Variants in LATS1 observed in about 807,000 individuals in gnomAD.
LATS1 encodes serine/threonine-protein kinase LATS1.
A neutral mutation model predicts 106.6 loss-of-function variants in LATS1; 25 were observed. That is an observed-to-expected ratio of 0.23 (90% confidence interval 0.17 to 0.33). The LOEUF (loss-of-function observed/expected upper bound fraction) is 0.33. LATS1 is among the 10% of genes least tolerant of loss of function. The pLI is 1.00. For synonymous variants in LATS1, 465 were observed against 455.6 expected (o/e 1.02, Z -0.26); for missense variants, 1,040 against 1,382.6 (o/e 0.75, Z 3.93).
chr6:149,705,265 ATTAAT>A (rs755596773), intron 1 of LATS1, among the ~76,000 whole-genome samples: 1 of 152,204 alleles, frequency 6.6e-6, no homozygotes, highest in Non-Finnish European at 1.5e-5. Flanking sequence ...TTCCCAAAAT[ATTAAT>A]TTAATAGCTT....
At chr6:149,703,895 T>C (rs1213321251) in intron 1 of LATS1, among the ~76,000 whole-genome samples, 2 of 152,204 alleles carry the variant, frequency 1.3e-5, no homozygotes, top group African/African-American at 2.4e-5. Context: ...CCTCGCAACA[T>C]CATTTATAAC....
At chr6:149,693,615 CAAACAAA>C (rs1443810496) in intron 3 of LATS1, among the ~76,000 whole-genome samples, 5 of 45,084 alleles carry the variant, frequency 1.1e-4, no homozygotes, top group African/African-American at 4.6e-4. Context: ...ATCTCAAAAA[CAAACAAA>C]CAAACAAACA....
chr6:149,697,842 T>A (rs1279613185), intron 2 of LATS1, among the ~76,000 whole-genome samples: 1 of 151,988 alleles, frequency 6.6e-6, no homozygotes, highest in Non-Finnish European at 1.5e-5. Flanking sequence ...TTCAAGCAGT[T>A]CTCCTGCCTC....
intron 2 of LATS1, among the ~76,000 whole-genome samples, chr6:149,698,080 T>C (rs1279484814): frequency 1.3e-5 from 2 of 152,170 alleles, no homozygotes; most frequent in East Asian, 1.9e-4. Flanking sequence ...GCCTTGTGAT[T>C]CTGGTGATTA....
At chr6:149,715,638 ACATTGCTGAG>A (rs1238652950) in intron 1 of LATS1, among the ~76,000 whole-genome samples, 4 of 152,224 alleles carry the variant, frequency 2.6e-5, no homozygotes, top group African/African-American at 9.6e-5. Context: ...TCTTGTGCAC[ACATTGCTGAG>A]CATTTTTCTT....
intron 3 of LATS1, among the ~76,000 whole-genome samples, chr6:149,688,581 T>C (rs373449457): frequency 1.4e-4 from 21 of 152,254 alleles, no homozygotes; most frequent in African/African-American, 4.8e-4. Context: ...GTGCTGGGAT[T>C]ACAGGCGTGA....
chr6:149,660,807 G>A lies in LATS1; in HGVS notation c.*922C>T, dbSNP rs1780855233. ...GATTTTCCTTTGCCAATAACAATCTGTATATGCAGCACTGTTCTGAAAGAG... is the reference window on the plus strand; with the variant it reads ...GATTTTCCTTTGCCAATAACAATCTATATATGCAGCACTGTTCTGAAAGAG... On this transcript the variant is annotated 3_prime_UTR_variant, in exon 8 of 8. Transcript: ENST00000543571. The A allele has an allele frequency of 4.5e-6, 1 of 219,934 alleles. No homozygotes were observed. Among genetic ancestry groups the A allele is most frequent in the African/African-American group, 2.2e-5 (1 of 44,526 alleles). 13.6% of individuals were successfully genotyped at this position (219,934 alleles called of 1,614,324 possible). A position where few individuals can be genotyped will look rare whatever the true frequency, so the allele number is the denominator to read the frequency against.
chr6:149,691,914 C>T (rs1212591185), intron 3 of LATS1, among the ~76,000 whole-genome samples: 2 of 152,148 alleles, frequency 1.3e-5, no homozygotes, highest in Non-Finnish European at 2.9e-5. Flanking sequence ...TTATCCCCTT[C>T]TACCATCACG....
In LATS1 at chr6:149,661,826, T is replaced by C; in HGVS notation, c.3296A>G (p.Tyr1099Cys). ...TGAGCCTTGTGAATTAATGTATTCATATTCAATAGGCTTCGGATAATTATA... is the reference window on the plus strand; with the variant it reads ...TGAGCCTTGTGAATTAATGTATTCACATTCAATAGGCTTCGGATAATTATA... ...YPYNYPKPIE[Y>C]EYINSQGSEQ... The change falls in exon 8 of 8, where the codon TAT becomes TGT. Residue 1099 changes from tyrosine (Y) to cysteine (C), a missense_variant. Transcript: ENST00000543571. The C allele has an allele frequency of 6.2e-7, 1 of 1,613,710 alleles. No individual in the cohort carries two copies. The highest frequency in any genetic ancestry group is 8.5e-7 in the Non-Finnish European group (1 of 1,179,790).
chr6:149,676,123 A>T, intron 7 of LATS1, 137 bp downstream of exon 7: 1 of 637,180 alleles, frequency 1.6e-6, no homozygotes, highest in Non-Finnish European at 2.8e-6. Flanking sequence ...AAGAACTGGC[A>T]TTATGGGTGT....
At chr6:149,701,736 T>C (rs1435695202) in intron 2 of LATS1, 43 bp downstream of exon 2, 3 of 1,439,142 alleles carry the variant, frequency 2.1e-6, no homozygotes, top group Non-Finnish European at 2.8e-6. Context: ...TTATGTAGCA[T>C]AAGGTAAGAA....
chr6:149,680,637 G>T lies in LATS1; in HGVS notation c.2011-180C>A, dbSNP rs575017434. 2.6e-5 allele frequency among the ~76,000 whole-genome samples: 4 copies of T among 151,754 alleles called. No homozygotes were observed. The East Asian group carries it at 7.7e-4, about 29-fold the overall frequency. Reference sequence around the variant, plus strand: ...TAATGATCAAAAGTGCAGCCTAAGGGGTAGTTAAAAGGATATTCAAAGTGA... The same window carrying T: ...TAATGATCAAAAGTGCAGCCTAAGGTGTAGTTAAAAGGATATTCAAAGTGA... On this transcript the variant is annotated intron_variant, in intron 4 of 7. Coordinates refer to ENST00000543571, the MANE Select transcript of LATS1 (RefSeq NM_004690.4).
intron 1 of LATS1, among the ~76,000 whole-genome samples, chr6:149,712,169 T>C (rs1386899299): frequency 3.3e-5 from 5 of 152,206 alleles, no homozygotes; most frequent in Admixed American, 3.3e-4. Flanking sequence ...TGAACATCTT[T>C]CCACAGTTAG....
chr6:149,717,698 C>G (rs1784488864), intron 1 of LATS1, 151 bp downstream of exon 1: 1 of 197,600 alleles, frequency 5.1e-6, no homozygotes, highest in South Asian at 5.5e-5. Context: ...TCAATGCAAC[C>G]AGCCAAGTCA....
At chr6:149,693,966 C>T (rs1782922768) in intron 3 of LATS1, among the ~76,000 whole-genome samples, 1 of 151,954 alleles carries the variant, frequency 6.6e-6, no homozygotes, top group Non-Finnish European at 1.5e-5. Flanking sequence ...TGGCGGGCAC[C>T]TGTAATCCCA....
At chr6:149,688,551 G>A (rs138381003) in intron 3 of LATS1, among the ~76,000 whole-genome samples, 6,974 of 151,490 alleles carry the variant, frequency 0.046, 528 homozygotes, top group African/African-American at 0.16. Flanking sequence ...GTCGTGACCC[G>A]CCCACCTCGG....
chr6:149,702,476 G>T, intron 1 of LATS1: 1 of 177,948 alleles, frequency 5.6e-6, no homozygotes, highest in Non-Finnish European at 1.1e-5. Flanking sequence ...TCGTAGCTAT[G>T]ATGATTTAAA....
chr6:149,712,748 CT>C (rs1784176059), intron 1 of LATS1, among the ~76,000 whole-genome samples: 1 of 152,090 alleles, frequency 6.6e-6, no homozygotes, highest in Non-Finnish European at 1.5e-5. Context: ...AATTCCAAAA[CT>C]TTTGGAGGCT....
At position 149,683,803 on chromosome 6, in the gene LATS1, A is replaced by G. The variant is rs751470566; in HGVS notation, c.1286T>C (p.Leu429Pro). The change falls in exon 4 of 8, where the codon CTG becomes CCG. Residue 429 changes from leucine (L) to proline (P), a missense_variant. Physicochemically the swap from Leu to Pro is moderately conservative, Grantham distance 98. Around this residue, in one of 7 missense-constraint regions of LATS1, gnomAD observed 624 missense variants for 714.8 expected, o/e 0.87. Transcript: ENST00000543571. ...MELYNISVPG[L>P]QTNWPQSSSA... ...AGATGACTGAGGCCAATTTGTTTGC[A>G]GTCCAGGTACACTAATGTTATATAG... 1.2e-6 allele frequency: 2 copies of G among 1,613,906 alleles called. No homozygotes were observed. The highest frequency in any genetic ancestry group is 1.7e-6 in the Non-Finnish European group (2 of 1,180,034).
Sources: gnomAD v4.1 joint callset for allele counts (sites outside exome capture counted in the v4.1 genomes callset) on GRCh38, gnomAD v4.1.1 for gene constraint, gnomAD v4.1.1 regional missense constraint, MANE v1.5 for transcripts, NCBI Gene and HGNC (gene_info 2026-07-23, HGNC 2026-07-21) for gene names.